Variants in SCAPER observed in about 807,000 individuals in gnomAD.
SCAPER encodes the protein S-phase cyclin A associated protein in the ER, also known as S phase cyclin A-associated protein in the endoplasmic reticulum.
SCAPER carries 98 observed loss-of-function variants against 182.2 expected under a neutral mutation model. That is an observed-to-expected ratio of 0.54 (90% CI 0.46 to 0.64). SCAPER has a LOEUF of 0.64. SCAPER is among the 30% of genes least tolerant of loss of function. SCAPER has a pLI of 0.00. For missense variants in SCAPER, 1,432 were observed against 1,690.0 expected (o/e 0.85, Z 2.68); for synonymous variants, 605 against 564.6 (o/e 1.07, Z -1.01).
At chr15:76,623,459 C>T (rs2052286309) in intron 21 of SCAPER, among the ~76,000 whole-genome samples, 1 of 152,168 alleles carries the variant, frequency 6.6e-6, no homozygotes, top group South Asian at 2.1e-4. Context: ...ATTTCTTCTG[C>T]ATATGGCTAG....
At chr15:76,735,344 G>A (rs2061184265) in intron 15 of SCAPER, among the ~76,000 whole-genome samples, 1 of 152,108 alleles carries the variant, frequency 6.6e-6, no homozygotes, top group Admixed American at 6.6e-5. Flanking sequence ...CTAAACTCCA[G>A]TTTGGGCAAC....
chr15:76,637,428 C>T (rs896345648), intron 21 of SCAPER, among the ~76,000 whole-genome samples: 1 of 152,008 alleles, frequency 6.6e-6, no homozygotes, highest in African/African-American at 2.4e-5. Context: ...ATATACTCAT[C>T]CAGCTGGGTG....
In SCAPER at chr15:76,354,237, G is replaced by A; in HGVS notation, c.3856-97C>T. 2 of 1,143,160 alleles carry A rather than the reference G, an allele frequency of 1.7e-6. No individual in the cohort carries two copies. Among genetic ancestry groups the A allele is most frequent in the African/African-American group, 1.6e-5 (1 of 60,890 alleles). The allele number at this position is 1,143,160 out of a possible 1,614,324, so 70.8% of individuals were successfully genotyped here. On this transcript the variant is annotated intron_variant, in intron 29 of 31. Transcript: ENST00000563290. This position sits in a 1 kb window ranked among gnomAD's most constrained non-coding sequence, Gnocchi z 4.4. ...CGGCTAGTACCATGGAAAACATGCT[G>A]AAGGAGTGTAAAGAAAAAGACTCCT...
intron 1 of SCAPER, among the ~76,000 whole-genome samples, chr15:76,896,867 G>A (rs2074462209): frequency 6.6e-6 from 1 of 152,132 alleles, no homozygotes; most frequent in Non-Finnish European, 1.5e-5. Flanking sequence ...GCTCACTTGA[G>A]CCCAGGAGAT....
At chr15:76,387,166 C>G (rs941098964) in intron 27 of SCAPER, among the ~76,000 whole-genome samples, 12 of 152,154 alleles carry the variant, frequency 7.9e-5, no homozygotes, top group Admixed American at 2.0e-4. Flanking sequence ...AAAAATGGCT[C>G]AATGCTCTTT....
At chr15:76,503,140 G>C (rs1464495490) in intron 24 of SCAPER, among the ~76,000 whole-genome samples, 3 of 152,106 alleles carry the variant, frequency 2.0e-5, no homozygotes, top group Non-Finnish European at 4.4e-5. Context: ...ATTATTAACA[G>C]TTATCAAAGC....
chr15:76,655,261 A>T (rs1382006634), intron 21 of SCAPER, among the ~76,000 whole-genome samples: 1 of 152,242 alleles, frequency 6.6e-6, no homozygotes, highest in Non-Finnish European at 1.5e-5. Context: ...TAAAATTTCA[A>T]GAATTAAGAG....
intron 20 of SCAPER, among the ~76,000 whole-genome samples, chr15:76,699,362 T>C (rs1440190260): frequency 6.6e-6 from 1 of 152,204 alleles, no homozygotes; most frequent in Non-Finnish European, 1.5e-5. Context: ...GGAATGCTTC[T>C]AGCTTTTGCC....
chr15:76,898,612 A>G (rs1053251996), intron 1 of SCAPER, among the ~76,000 whole-genome samples: 1 of 152,260 alleles, frequency 6.6e-6, no homozygotes, highest in African/African-American at 2.4e-5. Flanking sequence ...TCTTGAAAAC[A>G]TTACGTTAAA....
At chr15:76,529,454 A>G (rs189460650) in intron 23 of SCAPER, among the ~76,000 whole-genome samples, 1 of 152,380 alleles carries the variant, frequency 6.6e-6, no homozygotes, top group East Asian at 1.9e-4. Context: ...GAAAGTCATT[A>G]GCAATATGGT....
At chr15:76,430,855 G>T (rs766646777) in intron 26 of SCAPER, among the ~76,000 whole-genome samples, 14 of 152,152 alleles carry the variant, frequency 9.2e-5, no homozygotes, top group Non-Finnish European at 1.8e-4. Context: ...GGCTGGGGTG[G>T]AATAATGTGG....
chr15:76,703,879 G>A (rs1002247649), intron 18 of SCAPER, among the ~76,000 whole-genome samples: 10 of 152,020 alleles, frequency 6.6e-5, no homozygotes, highest in Middle Eastern at 3.4e-3. Context: ...AAATTTAAAC[G>A]CATGATAGAT....
intron 23 of SCAPER, among the ~76,000 whole-genome samples, chr15:76,559,046 T>C (rs907626054): frequency 2.0e-5 from 3 of 151,854 alleles, no homozygotes; most frequent in African/African-American, 7.3e-5. Context: ...TCTGGTTTTT[T>C]TTTTCGGAGA....
intron 21 of SCAPER, among the ~76,000 whole-genome samples, chr15:76,649,690 A>G (rs1346901195): frequency 1.4e-5 from 2 of 139,966 alleles, no homozygotes; most frequent in Non-Finnish European, 3.2e-5. Flanking sequence ...GATCAGAAAC[A>G]ACCAAAGCCA....
In SCAPER at chr15:76,412,749, A is replaced by G. The variant is rs183501404; in HGVS notation, c.3312-8070T>C. 1.1e-3 allele frequency among the ~76,000 whole-genome samples: 168 copies of G among 152,300 alleles called. 1 individual carries two copies. The highest frequency in any genetic ancestry group is 2.0e-3 in the Non-Finnish European group (134 of 68,004). On this transcript the variant is annotated intron_variant, in intron 26 of 31. Coordinates refer to ENST00000563290, the MANE Select transcript of SCAPER (RefSeq NM_020843.4). ...GCCTTAACTTTTCCATAGAAATCTC[A>G]GAGCTGACTTGTAAATTTATTTCTA...
chr15:76,787,677 AC>A (rs1405793993), intron 8 of SCAPER, among the ~76,000 whole-genome samples: 1 of 152,126 alleles, frequency 6.6e-6, no homozygotes, highest in East Asian at 1.9e-4. Flanking sequence ...CAAAAAACGA[AC>A]CTTCACTTAA....
chr15:76,894,523 C>T lies in SCAPER; in HGVS notation c.-59-10647G>A, dbSNP rs566698079. Among the ~76,000 whole-genome samples, 4 of 152,086 alleles carry T rather than the reference C, an allele frequency of 2.6e-5. No homozygotes were observed. The South Asian group carries it at 8.3e-4, about 32-fold the overall frequency. ...GAACTAAAAAAAGAACAAACTAAAT[C>T]TAAAGTCAGCATAAGGAAGGAAATA... On this transcript the variant is annotated intron_variant, in intron 1 of 31. Transcript: ENST00000563290.
At chr15:76,878,713 A>G (rs1252938337) in intron 2 of SCAPER, among the ~76,000 whole-genome samples, 2 of 152,064 alleles carry the variant, frequency 1.3e-5, no homozygotes, top group African/African-American at 4.8e-5. Context: ...GGATTATTTG[A>G]GCTCAGGAGT....
At chr15:76,618,719 A>G (rs2146051562) in intron 22 of SCAPER, among the ~76,000 whole-genome samples, 1 of 152,346 alleles carries the variant, frequency 6.6e-6, no homozygotes, top group South Asian at 2.1e-4. Context: ...TCAACTTATT[A>G]CTTGAGAGTT....
Sources: gnomAD v4.1 joint callset for allele counts (sites outside exome capture counted in the v4.1 genomes callset) on GRCh38, gnomAD v4.1.1 for gene constraint, Gnocchi (gnomAD v3.1) non-coding constraint, MANE v1.5 for transcripts, NCBI Gene and HGNC (gene_info 2026-07-23, HGNC 2026-07-21) for gene names.